Variants in SENP6 observed in about 807,000 individuals in gnomAD.
The protein encoded by SENP6 is sentrin-specific protease 6.
SENP6 carries 41 observed loss-of-function variants against 134.5 expected under a neutral mutation model. The ratio of observed to expected loss-of-function variants is 0.30; its 90% CI spans 0.24 to 0.40. SENP6 has a LOEUF of 0.40. Ranked by LOEUF, SENP6 falls within the 10% of genes least tolerant of loss-of-function variation. The pLI, the probability that SENP6 is intolerant of heterozygous loss-of-function variation, is 1.00. For synonymous variants in SENP6, 395 were observed against 429.8 expected (o/e 0.92, Z 1.00); for missense variants, 1,248 against 1,312.5 (o/e 0.95, Z 0.76).
At chr6:75,679,102 A>G (rs1582841296) in intron 16 of SENP6, 175 bp downstream of exon 16, 1 of 489,510 alleles carries the variant, frequency 2.0e-6, no homozygotes, top group Non-Finnish European at 3.6e-6. Context: ...AAAAATGAGA[A>G]TTCTATCTAA....
chr6:75,684,305 G>C (rs1349881129), intron 16 of SENP6, among the ~76,000 whole-genome samples: 2 of 152,160 alleles, frequency 1.3e-5, no homozygotes, highest in Non-Finnish European at 2.9e-5. Context: ...GGGCTGAGAT[G>C]ATGGGGTTTT....
chr6:75,706,963 A>G (rs979357401), intron 19 of SENP6, among the ~76,000 whole-genome samples: 14 of 152,214 alleles, frequency 9.2e-5, no homozygotes, highest in African/African-American at 2.9e-4. Context: ...ATCACACTCA[A>G]CATCTTCACA....
intron 19 of SENP6, among the ~76,000 whole-genome samples, chr6:75,704,600 C>CT (rs1353733431): frequency 6.6e-6 from 1 of 152,238 alleles, no homozygotes; most frequent in Non-Finnish European, 1.5e-5. Flanking sequence ...TGGCCTTCCT[C>CT]TATCTCAACT....
At chr6:75,645,610 A>G (rs1770374355) in intron 6 of SENP6, among the ~76,000 whole-genome samples, 1 of 152,056 alleles carries the variant, frequency 6.6e-6, no homozygotes, top group Non-Finnish European at 1.5e-5. Flanking sequence ...ACAGAGCCAG[A>G]CTCTGTCTCA....
At chr6:75,612,359 G>C (rs1035211349) in intron 1 of SENP6, among the ~76,000 whole-genome samples, 14 of 152,126 alleles carry the variant, frequency 9.2e-5, no homozygotes, top group African/African-American at 3.1e-4. Context: ...ATATTTCTAA[G>C]TTACGTTTTT....
At position 75,712,841 on chromosome 6, in the gene SENP6, A is replaced by G. The variant is rs1032940200; in HGVS notation, c.2910-672A>G. The stretch of plus-strand genomic sequence containing the variant: ...GATTTTTGGTTGGGCGCAGTAGCAC[A>G]TGCCTATAATCCCAGCACTTTGGAA... On this transcript the variant is annotated intron_variant, in intron 21 of 23. Coordinates refer to ENST00000447266, the MANE Select transcript of SENP6 (RefSeq NM_015571.4). Among the ~76,000 whole-genome samples, 4 of 152,254 alleles carry G rather than the reference A, an allele frequency of 2.6e-5. No individual in the cohort carries two copies. The South Asian group carries it at 8.3e-4, about 32-fold the overall frequency.
chr6:75,684,120 G>C (rs1773659605), intron 16 of SENP6, among the ~76,000 whole-genome samples: 1 of 152,170 alleles, frequency 6.6e-6, no homozygotes. Context: ...CACATCCCTT[G>C]TAAGTTGGAT....
chr6:75,656,498 A>T (rs999255182), intron 7 of SENP6, among the ~76,000 whole-genome samples: 8 of 152,146 alleles, frequency 5.3e-5, no homozygotes, highest in Non-Finnish European at 2.9e-5. Flanking sequence ...CCATCCTTGA[A>T]CCAGTCCAAT....
Position 75,678,580 on chromosome 6 carries a change from C to T in SENP6, c.1849-3C>T. 1 of 1,343,674 alleles carries T rather than the reference C, an allele frequency of 7.4e-7. No individual in the cohort carries two copies. Among genetic ancestry groups the T allele is most frequent in the East Asian group, 2.3e-5 (1 of 43,072 alleles). The allele number at this position is 1,343,674 out of a possible 1,614,324, so 83.2% of individuals were successfully genotyped here. Reference sequence around the variant, plus strand: ...AAATTGCTAATTTAATTTCCTTTACCAGGTATCATTTGAATCTAAAATACA... The same window carrying T: ...AAATTGCTAATTTAATTTCCTTTACTAGGTATCATTTGAATCTAAAATACA... On this transcript the variant is annotated splice_region_variant and splice_polypyrimidine_tract_variant and intron_variant, in intron 14 of 23. Transcript: ENST00000447266.
intron 23 of SENP6, among the ~76,000 whole-genome samples, chr6:75,714,926 T>A (rs1775948489): frequency 6.6e-6 from 1 of 152,232 alleles, no homozygotes; most frequent in South Asian, 2.1e-4. Context: ...TCTATACTTC[T>A]GTCATAATAC....
At position 75,634,773 on chromosome 6, in the gene SENP6, T is replaced by C. The variant is rs1769376362; in HGVS notation, c.420T>C (p.Ala140=). 6 of 1,603,140 alleles carry C rather than the reference T, an allele frequency of 3.7e-6. No homozygotes were observed. Among genetic ancestry groups the C allele is most frequent in the Middle Eastern group, 1.7e-4 (1 of 6,028 alleles). ...TTCATGGTAGACGTTTTCATCATGC[T>C]CATGCACAGATACCAGTAGTAAAAA... is the stretch of plus-strand genomic sequence containing the variant. ...TVVHGRRFHH[A]HAQIPVVKTA... Residue 140 remains alanine (A), a synonymous_variant, in exon 5 of 24, where the codon GCT becomes GCC. Transcript: ENST00000447266.
Position 75,676,042 on chromosome 6 carries a change from A to C in SENP6, c.1609A>C (p.Asn537His). ...AGTTTGGAATGATTGTAAAGGAGTAAATAAATTAACAAGTAAGTTGTGTAA... is the reference window on the plus strand; with the variant it reads ...AGTTTGGAATGATTGTAAAGGAGTACATAAATTAACAAGTAAGTTGTGTAA... ...DKVWNDCKGVNKLTNLEEQYI... is the reference protein window; with the variant it reads ...DKVWNDCKGVHKLTNLEEQYI... The change falls in exon 13 of 24, where the codon AAT becomes CAT. Residue 537 changes from asparagine (N) to histidine (H), a missense_variant. Around this residue, in one of 3 missense-constraint regions of SENP6, gnomAD observed 733 missense variants for 725.4 expected, o/e 1.01. Coordinates refer to ENST00000447266, the MANE Select transcript of SENP6 (RefSeq NM_015571.4). The C allele has an allele frequency of 6.3e-7, 1 of 1,592,082 alleles. No homozygotes were observed. Among genetic ancestry groups the C allele is most frequent in the Non-Finnish European group, 8.5e-7 (1 of 1,170,448 alleles).
chr6:75,677,720 A>T lies in SENP6; in HGVS notation c.1848+464A>T, dbSNP rs551629858. On this transcript the variant is annotated intron_variant, in intron 14 of 23. Coordinates refer to ENST00000447266, the MANE Select transcript of SENP6 (RefSeq NM_015571.4). Reference sequence around the variant, plus strand: ...TTTGATCTTTATTGTCAAAACATGTATCTAGTACTAAAATAACTATTCATA... The same window carrying T: ...TTTGATCTTTATTGTCAAAACATGTTTCTAGTACTAAAATAACTATTCATA... 1.9e-5 allele frequency: 3 copies of T among 154,692 alleles called. No homozygotes were observed. The East Asian group carries it at 5.7e-4, about 30-fold the overall frequency. The allele number at this position is 154,692 out of a possible 1,614,324, so 9.6% of individuals were successfully genotyped here. A position where few individuals can be genotyped will look rare whatever the true frequency, so the allele number is the denominator to read the frequency against.
chr6:75,621,401 CA>C (rs1049776454), intron 1 of SENP6, 130 bp from the exon 2 acceptor site: 4 of 592,492 alleles, frequency 6.8e-6, no homozygotes, highest in African/African-American at 5.9e-5. Flanking sequence ...CAAATGTTTA[CA>C]AAAAATAGAC....
chr6:75,627,351 T>G (rs1276484741), intron 3 of SENP6, among the ~76,000 whole-genome samples: 3 of 152,234 alleles, frequency 2.0e-5, no homozygotes, highest in Non-Finnish European at 4.4e-5. Flanking sequence ...CTAAGGTTTT[T>G]CCCACTGCAG....
chr6:75,699,480 TTTC>T (rs1396783370), intron 18 of SENP6, among the ~76,000 whole-genome samples: 10 of 151,844 alleles, frequency 6.6e-5, no homozygotes, highest in Admixed American at 1.3e-4. Flanking sequence ...CAGTTTTGTT[TTTC>T]TTTTCTTTCT....
chr6:75,665,639 C>T (rs1772142769), intron 9 of SENP6, among the ~76,000 whole-genome samples: 1 of 152,176 alleles, frequency 6.6e-6, no homozygotes, highest in African/African-American at 2.4e-5. Context: ...TGCTCACGTC[C>T]ATTTACTCAA....
intron 6 of SENP6, among the ~76,000 whole-genome samples, chr6:75,641,913 A>T (rs906849954): frequency 6.8e-5 from 10 of 147,028 alleles, no homozygotes; most frequent in African/African-American, 1.5e-4. Context: ...TGAATCAATT[A>T]AAAAAAAAAA....
At chr6:75,652,745 C>CA in intron 7 of SENP6, among the ~76,000 whole-genome samples, 1 of 149,104 alleles carries the variant, frequency 6.7e-6, no homozygotes, top group South Asian at 2.1e-4. Context: ...GGTTAGCTCC[C>CA]AACACAGTAT....
Sources: gnomAD v4.1 joint callset for allele counts (sites outside exome capture counted in the v4.1 genomes callset) on GRCh38, gnomAD v4.1.1 for gene constraint, gnomAD v4.1.1 regional missense constraint, MANE v1.5 for transcripts, NCBI Gene and HGNC (gene_info 2026-07-23, HGNC 2026-07-21) for gene names.